The following GAS6 variants were observed in gnomAD, a reference collection of about 807,000 sequenced individuals.
GAS6 encodes growth arrest specific 6.
In GAS6, 41 loss-of-function variants were observed where a neutral mutation model predicts 75.8. The ratio of observed to expected loss-of-function variants is 0.54; its 90% CI spans 0.42 to 0.70. The LOEUF (loss-of-function observed/expected upper bound fraction) is 0.70, where lower values mean the gene tolerates loss of function less well. Ranked by LOEUF, GAS6 falls within the 30% of genes least tolerant of loss-of-function variation. The probability of loss-of-function intolerance (pLI) is 0.00; values close to 1 mark genes in which losing one functional copy is unlikely to be tolerated. For missense variants in GAS6, 854 were observed against 940.2 expected (o/e 0.91, Z 1.20); for synonymous variants, 432 against 412.6 (o/e 1.05, Z -0.57).
In GAS6 at chr13:113,834,622, G is replaced by C. The variant is rs1449530883; in HGVS notation, c.763C>G (p.Pro255Ala). ...TCACAGTGGCAGGTGTAGCTCCCTG[G>C]GGAGTTCACGCAGACCTGCTCACAG... is the stretch of plus-strand genomic sequence containing the variant. Reference protein sequence around the residue: ...GRCEQVCVNSPGSYTCHCDGR... With the variant: ...GRCEQVCVNSAGSYTCHCDGR... The change falls in exon 8 of 15, where the codon CCA becomes GCA. Residue 255 changes from proline (P) to alanine (A), a missense_variant. By Grantham distance (27) the Pro-to-Ala change is conservative. Coordinates refer to ENST00000327773, the MANE Select transcript of GAS6 (RefSeq NM_000820.4). 2 of 1,608,242 alleles carry C rather than the reference G, an allele frequency of 1.2e-6. No individual in the cohort carries two copies. The highest frequency in any genetic ancestry group is 2.2e-5 in the South Asian group (2 of 90,614).
chr13:113,822,868 G>A (rs943368030), intron 13 of GAS6: 3 of 153,946 alleles, frequency 1.9e-5, no homozygotes, highest in African/African-American at 4.8e-5. Flanking sequence ...AACAGCATGA[G>A]TCCCCCAGCC....
At position 113,820,994 on chromosome 13, in the gene GAS6, A is replaced by G. The variant is rs1360320999; in HGVS notation, c.1907T>C (p.Val636Ala). The G allele has an allele frequency of 9.3e-6, 15 of 1,612,492 alleles. No individual in the cohort carries two copies. Among genetic ancestry groups the G allele is most frequent in the Non-Finnish European group, 1.3e-5 (15 of 1,179,868 alleles). ...CATGCAGCCGCGGTAGAACGCGGTG[A>G]CTGGCGCTGAAGTCACCGGCACATC... Reference protein sequence around the residue: ...LPDVPVTSAPVTAFYRGCMTL... With the variant: ...LPDVPVTSAPATAFYRGCMTL... The change falls in exon 15 of 15, where the codon GTC becomes GCC. Residue 636 changes from valine (V) to alanine (A), a missense_variant. Val to Ala is a moderately conservative substitution (Grantham distance 64, BLOSUM62 0). Coordinates refer to ENST00000327773, the MANE Select transcript of GAS6 (RefSeq NM_000820.4).
At chr13:113,827,399 G>A (rs1009854895) in intron 11 of GAS6, among the ~76,000 whole-genome samples, 9 of 152,244 alleles carry the variant, frequency 5.9e-5, no homozygotes, top group African/African-American at 2.2e-4. Flanking sequence ...TCATTTTAAA[G>A]CTAGGAAAGG....
chr13:113,846,366 T>C (rs2051833722), intron 4 of GAS6, among the ~76,000 whole-genome samples, 161 bp downstream of exon 4: 1 of 152,232 alleles, frequency 6.6e-6, no homozygotes, highest in Admixed American at 6.5e-5. Flanking sequence ...AAAATTTACT[T>C]GTTTAAAAAA....
chr13:113,836,873 GAGA>G (rs2051722173), intron 6 of GAS6, among the ~76,000 whole-genome samples: 1 of 78,682 alleles, frequency 1.3e-5, no homozygotes. Flanking sequence ...GGGGAGTGGG[GAGA>G]GGAGGAGGGG....
rs1050273471 is a variant in GAS6, at chr13:113,826,978, G to A, written c.1477+18C>T. On this transcript the variant is annotated intron_variant, in intron 12 of 14. Transcript: ENST00000327773. ...AGGTGCAGCCACAGCCACCCCAACG[G>A]TAAGAGCCAAGACTTACTGTAGTCC... 3 of 1,605,590 alleles carry A rather than the reference G, an allele frequency of 1.9e-6. No homozygotes were observed. The highest frequency in any genetic ancestry group is 3.4e-5 in the Admixed American group (2 of 58,862).
rs1231379456 is a variant in GAS6 at position 113,838,077 on chromosome 13, G to C, written c.581C>G (p.Thr194Ser). Residue 194 changes from threonine to serine, a missense_variant, in exon 6 of 15, where the codon ACC becomes AGC. By Grantham distance (58) the Thr-to-Ser change is moderately conservative (BLOSUM62 1). Transcript: ENST00000327773. ...SGFELSSDGR[T>S]CQDIDECADS... ...TCACCCCAGGGCCTTACCTTGGCAG[G>C]TCCTGCCATCAGAGGAGAGCTCGAA... 1.2e-6 allele frequency: 2 copies of C among 1,612,510 alleles called. No individual in the cohort carries two copies. The highest frequency in any genetic ancestry group is 2.7e-5 in the African/African-American group (2 of 74,914).
chr13:113,839,925 G>A (rs535855201), intron 4 of GAS6, 75 bp from the exon 5 acceptor site: 2 of 1,606,212 alleles, frequency 1.2e-6, no homozygotes, highest in Admixed American at 1.7e-5. Flanking sequence ...TGAGATCGGG[G>A]CGGCTGTGGG....
intron 14 of GAS6, chr13:113,821,629 C>T: frequency 2.8e-6 from 1 of 359,444 alleles, no homozygotes. Flanking sequence ...CCAACTGCAG[C>T]CTGGCCCGAG....
At chr13:113,823,205 G>A (rs958394361) in intron 13 of GAS6, 170 bp downstream of exon 13, 8 of 675,758 alleles carry the variant, frequency 1.2e-5, no homozygotes, top group South Asian at 4.6e-5. Context: ...AACAACCCCC[G>A]CAGCCCGAAG....
In GAS6 at chr13:113,820,734, T is replaced by C; in HGVS notation, c.*130A>G. On this transcript the variant is annotated 3_prime_UTR_variant, in exon 15 of 15. Coordinates refer to ENST00000327773, the MANE Select transcript of GAS6 (RefSeq NM_000820.4). ...CCAAGTCCATCTCACTATTTACAGA[T>C]ATGTTACAGGCCGGGATGGTCACAG... is the stretch of plus-strand genomic sequence containing the variant. The C allele has an allele frequency of 9.3e-7, 1 of 1,078,018 alleles. No homozygotes were observed. Among genetic ancestry groups the C allele is most frequent in the East Asian group, 2.6e-5 (1 of 38,242 alleles). 66.8% of individuals were successfully genotyped at this position (1,078,018 alleles called of 1,614,324 possible).
chr13:113,847,839 C>G, intron 3 of GAS6, 187 bp downstream of exon 3: 2 of 654,192 alleles, frequency 3.1e-6, no homozygotes, highest in South Asian at 3.5e-5. Context: ...CGGAATAAAG[C>G]TGTGGTATAA....
chr13:113,826,957 G>A (rs748141112), intron 12 of GAS6, 39 bp downstream of exon 12: 95 of 1,572,898 alleles, frequency 6.0e-5, no homozygotes, highest in Non-Finnish European at 8.1e-5. Context: ...GTCTGAAGGT[G>A]CAGCCACAGC....
rs935732068 is a variant in GAS6, at chr13:113,832,645, C to T, written c.942G>A (p.Leu314=). Residue 314 remains leucine, a synonymous_variant, in exon 9 of 15, where the codon CTG becomes CTA. Transcript: ENST00000327773. ...GGACACCTCCTCACCTGGTGGGCTG[C>T]AGCCTCTTGAAGCGCAGTCGGATCA... is the stretch of plus-strand genomic sequence containing the variant. ...TPVIRLRFKR[L]QPTRLVAEFD... 6 of 1,612,650 alleles carry T rather than the reference C, an allele frequency of 3.7e-6. No homozygotes were observed. The African/African-American group carries it at 4.0e-5, about 11-fold the overall frequency.
intron 2 of GAS6, among the ~76,000 whole-genome samples, chr13:113,852,984 G>A (rs142855201): frequency 1.9e-4 from 29 of 152,296 alleles, no homozygotes; most frequent in Non-Finnish European, 2.8e-4. Context: ...CCCTCCAAGG[G>A]GCCGGGGGGA....
Position 113,827,158 on chromosome 13 carries a change from G to A in GAS6, c.1315C>T (p.Pro439Ser), listed in dbSNP as rs150223646. 7 of 1,611,680 alleles carry A rather than the reference G, an allele frequency of 4.3e-6. No individual in the cohort carries two copies. In the South Asian group the frequency reaches 5.5e-5, roughly 13 times the overall value. The stretch of plus-strand genomic sequence containing the variant: ...CTCCTCATGCAGCCATCCAGACGAG[G>A]GTTTATCTGGAAAGGCAGAGAAATC... ...HEKDLVQPIN[P>S]RLDGCMRSWN... Residue 439 changes from proline (P) to serine (S), a missense_variant, in exon 12 of 15, where the codon CCT becomes TCT. Pro to Ser is a moderately conservative substitution (Grantham distance 74). Coordinates refer to ENST00000327773, the MANE Select transcript of GAS6 (RefSeq NM_000820.4).
rs12184627 is a variant in GAS6, at chr13:113,830,772, C to T, written c.1143+1527G>A. ...CGACCTCGCCTCAGGCCACCTGCCC[C>T]GGGCCCCTCCTCCCCATGGCTCCAT... is the stretch of plus-strand genomic sequence containing the variant. On this transcript the variant is annotated intron_variant, in intron 10 of 14. Transcript: ENST00000327773. Among the ~76,000 whole-genome samples the T allele has an allele frequency of 3.7e-3, 414 of 111,134 alleles. 24 individuals carry two copies. Among genetic ancestry groups the T allele is most frequent in the African/African-American group, 0.014 (371 of 26,228 alleles). 72.9% of individuals were successfully genotyped at this position (111,134 alleles called of 152,430 possible). A position where few individuals can be genotyped will look rare whatever the true frequency, so the allele number is the denominator to read the frequency against.
intron 12 of GAS6, 81 bp from the exon 13 acceptor site, chr13:113,823,631 G>A: frequency 7.3e-7 from 1 of 1,374,058 alleles, no homozygotes; most frequent in Non-Finnish European, 1.0e-6. Flanking sequence ...CTCGAGAGAT[G>A]CAGTCCCAGC....
rs1006819908 is a variant in GAS6, at chr13:113,833,636, A to T, written c.835-884T>A. 10 of 1,006,332 alleles carry T rather than the reference A, an allele frequency of 9.9e-6. 1 individual carries two copies. The highest frequency in any genetic ancestry group is 9.9e-4 in the Middle Eastern group (2 of 2,012). 62.3% of individuals were successfully genotyped at this position (1,006,332 alleles called of 1,614,324 possible). The stretch of plus-strand genomic sequence containing the variant: ...GGTGTGACAGGTCGGTGTGACAGGC[A>T]CCAGTGTGACAGGCACCAGTGTGAC... On this transcript the variant is annotated intron_variant, in intron 8 of 14. Transcript: ENST00000327773.
Sources: gnomAD v4.1 joint callset for allele counts (sites outside exome capture counted in the v4.1 genomes callset) on GRCh38, gnomAD v4.1.1 for gene constraint, MANE v1.5 for transcripts, NCBI Gene and HGNC (gene_info 2026-07-23, HGNC 2026-07-21) for gene names.